Variants in ZDHHC14 observed in about 807,000 individuals in gnomAD.
The protein encoded by ZDHHC14 is palmitoyltransferase ZDHHC14.
A neutral mutation model predicts 47.7 loss-of-function variants in ZDHHC14; 16 were observed. The ratio of observed to expected loss-of-function variants is 0.34; its 90% confidence interval spans 0.23 to 0.51. ZDHHC14 has a LOEUF of 0.51. ZDHHC14 is among the 20% of genes least tolerant of loss of function. ZDHHC14 has a pLI of 0.97. For missense variants in ZDHHC14, 515 were observed against 662.5 expected (o/e 0.78, Z 2.44); for synonymous variants, 293 against 278.9 (o/e 1.05, Z -0.50).
At chr6:157,626,180 C>G (rs778900053) in intron 3 of ZDHHC14, among the ~76,000 whole-genome samples, 1 of 152,126 alleles carries the variant, frequency 6.6e-6, no homozygotes, top group Non-Finnish European at 1.5e-5. Context: ...TTCTTCTTTG[C>G]TGATAGGCGA....
intron 1 of ZDHHC14, among the ~76,000 whole-genome samples, chr6:157,454,884 G>A (rs1156360540): frequency 6.6e-6 from 1 of 152,126 alleles, no homozygotes; most frequent in East Asian, 1.9e-4. Flanking sequence ...CTAAGCCCCA[G>A]CAGAAGCACA....
At chr6:157,560,124 A>G (rs141984104) in intron 2 of ZDHHC14, among the ~76,000 whole-genome samples, 458 of 152,310 alleles carry the variant, frequency 3.0e-3, no homozygotes, top group African/African-American at 0.01. Context: ...TCTAAAGCCA[A>G]TGGCTCTAAA....
chr6:157,414,353 A>G (rs1013117573), intron 1 of ZDHHC14, among the ~76,000 whole-genome samples: 3 of 152,166 alleles, frequency 2.0e-5, no homozygotes, highest in African/African-American at 7.2e-5. Context: ...GCTTCCGCCC[A>G]TCCCCCAGTG....
intron 2 of ZDHHC14, among the ~76,000 whole-genome samples, chr6:157,550,557 ACT>A (rs1782188846): frequency 6.6e-6 from 1 of 152,094 alleles, no homozygotes; most frequent in Non-Finnish European, 1.5e-5. Flanking sequence ...TCACACAGAC[ACT>A]CTAGAGAGAA....
intron 5 of ZDHHC14, 41 bp from the exon 6 acceptor site, chr6:157,645,696 C>T (rs374644473): frequency 3.9e-6 from 6 of 1,543,290 alleles, no homozygotes; most frequent in Admixed American, 1.7e-5. Context: ...CCACTTCTTG[C>T]GCGGTCCCTC....
chr6:157,536,509 T>G (rs1781549229), intron 1 of ZDHHC14, among the ~76,000 whole-genome samples: 1 of 152,252 alleles, frequency 6.6e-6, no homozygotes, highest in Non-Finnish European at 1.5e-5. Flanking sequence ...AATATTGTTC[T>G]TTTGTTTTGT....
chr6:157,527,439 A>G (rs184022057), intron 1 of ZDHHC14, among the ~76,000 whole-genome samples: 3 of 152,328 alleles, frequency 2.0e-5, no homozygotes, highest in Non-Finnish European at 4.4e-5. Context: ...TGCTTTGCAG[A>G]GCTTGCTCTT....
intron 1 of ZDHHC14, among the ~76,000 whole-genome samples, chr6:157,504,783 G>GTGTTT (rs10692552): frequency 0.34 from 50,533 of 149,194 alleles, 8,695 homozygotes; most frequent in African/African-American, 0.39. Flanking sequence ...AAAATACCAT[G>GTGTTT]TGTTTTGTTT....
intron 3 of ZDHHC14, among the ~76,000 whole-genome samples, chr6:157,606,017 T>G (rs542540696): frequency 6.6e-6 from 1 of 152,324 alleles, no homozygotes; most frequent in East Asian, 1.9e-4. Flanking sequence ...TGCTGAGTAC[T>G]TTACGTGTTT....
chr6:157,625,601 C>T (rs540351916), intron 3 of ZDHHC14, among the ~76,000 whole-genome samples: 135 of 152,162 alleles, frequency 8.9e-4, no homozygotes, highest in African/African-American at 2.9e-3. Flanking sequence ...AGCACGCAGG[C>T]TCGAGGTGTA....
At chr6:157,434,241 T>TATATATATATATATATATATA (rs1778397026) in intron 1 of ZDHHC14, among the ~76,000 whole-genome samples, 1 of 150,568 alleles carries the variant, frequency 6.6e-6, no homozygotes, top group South Asian at 2.1e-4. Flanking sequence ...TATATAATTC[T>TATATATATATATATATATATA]TTTATATGTT....
intron 1 of ZDHHC14, among the ~76,000 whole-genome samples, chr6:157,492,530 CT>C (rs1779951943): frequency 6.6e-6 from 1 of 152,224 alleles, no homozygotes. Context: ...GGGCAGACTC[CT>C]GCTCTTTTGT....
chr6:157,604,690 C>T lies in ZDHHC14; in HGVS notation c.565+11544C>T, dbSNP rs533130397. On this transcript the variant is annotated intron_variant, in intron 3 of 8. Transcript: ENST00000359775. ...TCCAAAGTAGCTGGGACTACAGGCACGTGTCACCACACCCGGCTAATTTTT... is the reference window on the plus strand; with the variant it reads ...TCCAAAGTAGCTGGGACTACAGGCATGTGTCACCACACCCGGCTAATTTTT... Among the ~76,000 whole-genome samples, 10 of 152,228 alleles carry T rather than the reference C, an allele frequency of 6.6e-5. No homozygotes were observed. The East Asian group carries it at 1.2e-3, about 18-fold the overall frequency.
chr6:157,482,612 T>C (rs1319425919), intron 1 of ZDHHC14, among the ~76,000 whole-genome samples: 1 of 152,138 alleles, frequency 6.6e-6, no homozygotes, highest in Non-Finnish European at 1.5e-5. Context: ...ACTTTCAAGC[T>C]GATCAACACT....
Position 157,673,182 on chromosome 6 carries a change from G to A in ZDHHC14, c.*60G>A, listed in dbSNP as rs1228328692. 1.6e-5 allele frequency: 24 copies of A among 1,486,610 alleles called. No homozygotes were observed. The highest frequency in any genetic ancestry group is 5.7e-5 in the African/African-American group (4 of 69,660). The allele number at this position is 1,486,610 out of a possible 1,614,324, so 92.1% of individuals were successfully genotyped here. A position where few individuals can be genotyped will look rare whatever the true frequency, so the allele number is the denominator to read the frequency against. On this transcript the variant is annotated 3_prime_UTR_variant, in exon 9 of 9. Coordinates refer to ENST00000359775, the MANE Select transcript of ZDHHC14 (RefSeq NM_024630.3). This position sits in a 1 kb window ranked among gnomAD's most constrained non-coding sequence, Gnocchi z 5.4. The stretch of plus-strand genomic sequence containing the variant: ...TCCTCCATGGGCAGCAGGAGTGAGC[G>A]GAGGGGTGTGTCCCACAGCGACTTT...
At chr6:157,616,133 T>G (rs1784954453) in intron 3 of ZDHHC14, among the ~76,000 whole-genome samples, 1 of 151,746 alleles carries the variant, frequency 6.6e-6, no homozygotes, top group Non-Finnish European at 1.5e-5. Context: ...GGCAACAGTG[T>G]GGGGGACACA....
At position 157,468,677 on chromosome 6, in the gene ZDHHC14, T is replaced by C. The variant is rs78550359; in HGVS notation, c.246-73908T>C. ...CTTTTGTGAAGTCGTCTTGCTTTCA[T>C]TGGAGGAGTAATGCTGATTTCCTGT... is the stretch of plus-strand genomic sequence containing the variant. On this transcript the variant is annotated intron_variant, in intron 1 of 8. Transcript: ENST00000359775. 1.1e-4 allele frequency among the ~76,000 whole-genome samples: 16 copies of C among 152,352 alleles called. No homozygotes were observed. The East Asian group carries it at 3.1e-3, about 29-fold the overall frequency.
intron 1 of ZDHHC14, among the ~76,000 whole-genome samples, chr6:157,470,801 G>A (rs1366866953): frequency 6.6e-6 from 1 of 152,212 alleles, no homozygotes; most frequent in Non-Finnish European, 1.5e-5. Context: ...TGAACCCAGT[G>A]GAAGAAACTG....
At chr6:157,554,940 G>T (rs1440397077) in intron 2 of ZDHHC14, among the ~76,000 whole-genome samples, 3 of 152,174 alleles carry the variant, frequency 2.0e-5, no homozygotes, top group Non-Finnish European at 4.4e-5. Context: ...TGAATTAGGG[G>T]TGCCTGCACC....
Sources: gnomAD v4.1 joint callset for allele counts (sites outside exome capture counted in the v4.1 genomes callset) on GRCh38, gnomAD v4.1.1 for gene constraint, Gnocchi (gnomAD v3.1) non-coding constraint, MANE v1.5 for transcripts, NCBI Gene and HGNC (gene_info 2026-07-23, HGNC 2026-07-21) for gene names.